LSMEM2: variants seen among roughly 807,000 people sequenced by gnomAD.
The protein encoded by LSMEM2 is leucine rich single-pass membrane protein 2.
LSMEM2 carries 20 observed loss-of-function variants against 17.3 expected under a neutral mutation model. The ratio of observed to expected loss-of-function variants is 1.16; its 90% CI spans 0.81 to 1.68. LSMEM2 has a LOEUF of 1.68. LSMEM2 is among the 40% of genes most tolerant of loss of function. The pLI is 0.00. For synonymous variants in LSMEM2, 94 were observed against 97.8 expected (o/e 0.96, Z 0.23); for missense variants, 207 against 214.3 (o/e 0.97, Z 0.21).
intron 1 of LSMEM2, among the ~76,000 whole-genome samples, chr3:50,280,163 G>A (rs1701359025): frequency 7.3e-6 from 1 of 136,746 alleles, no homozygotes; most frequent in South Asian, 2.4e-4. Context: ...GTGAGCCACC[G>A]CGCCTGGCCT....
In LSMEM2 at chr3:50,287,101, C is replaced by T. The variant is rs1553708672; in HGVS notation, c.394C>T (p.His132Tyr). The change falls in exon 4 of 4, where the codon CAC becomes TAC. Residue 132 changes from histidine (H) to tyrosine (Y), a missense_variant. Coordinates refer to ENST00000316436, the MANE Select transcript of LSMEM2 (RefSeq NM_153215.3). ...GAGTGAATCCCTGCGCATCCTGGCA[C>T]ACACGCTCCGCACGCAGGAGGAGAC... ...LQSESLRILAHTLRTQEETLL... is the reference protein window; with the variant it reads ...LQSESLRILAYTLRTQEETLL... The T allele has an allele frequency of 1.9e-6, 3 of 1,614,186 alleles. No homozygotes were observed. The highest frequency in any genetic ancestry group is 2.7e-5 in the African/African-American group (2 of 75,054).
intron 1 of LSMEM2, among the ~76,000 whole-genome samples, chr3:50,281,119 G>A (rs1426060694): frequency 2.0e-5 from 3 of 150,884 alleles, no homozygotes; most frequent in East Asian, 2.0e-4. Context: ...GCAGTGGCAC[G>A]ATCTTGGCTC....
intron 1 of LSMEM2, 123 bp downstream of exon 1, chr3:50,279,294 G>A: frequency 3.5e-6 from 3 of 863,582 alleles, no homozygotes; most frequent in Non-Finnish European, 5.7e-6. Context: ...CCATTTTCAT[G>A]CTCCAGCTCC....
chr3:50,286,470 G>A lies in LSMEM2; in HGVS notation c.59-1G>A, dbSNP rs1553708447. 1.9e-6 allele frequency: 3 copies of A among 1,598,070 alleles called. No homozygotes were observed. The highest frequency in any genetic ancestry group is 2.6e-6 in the Non-Finnish European group (3 of 1,173,694). On this transcript the variant is annotated splice_acceptor_variant, in intron 1 of 3. Transcript: ENST00000316436. LOFTEE classifies it high-confidence loss of function. ...TAAATCAGCCTGCGCTGCCCCTGCA[G>A]ACTCCGTGGCGCCAATGATGCCCAG... is the stretch of plus-strand genomic sequence containing the variant.
chr3:50,286,197 TAAGC>T (rs1233199010), intron 1 of LSMEM2, among the ~76,000 whole-genome samples: 2 of 152,150 alleles, frequency 1.3e-5, no homozygotes, highest in African/African-American at 2.4e-5. Context: ...CTGCTAGAAA[TAAGC>T]AGGCAGAGGA....
chr3:50,286,563 A>T lies in LSMEM2; in HGVS notation c.151A>T (p.Ile51Phe). 6.2e-7 allele frequency: 1 copy of T among 1,612,420 alleles called. No homozygotes were observed. Among genetic ancestry groups the T allele is most frequent in the Non-Finnish European group, 8.5e-7 (1 of 1,179,342 alleles). Residue 51 changes from isoleucine (I) to phenylalanine (F), a missense_variant, in exon 2 of 4, where the codon ATC becomes TTC. Ile to Phe is a conservative substitution (Grantham distance 21). Coordinates refer to ENST00000316436, the MANE Select transcript of LSMEM2 (RefSeq NM_153215.3). ...GGTATGCCTGCACCAGGTGGAGTCCATCAGCGACCTACATAGTGGAGGTGA... is the reference window on the plus strand; with the variant it reads ...GGTATGCCTGCACCAGGTGGAGTCCTTCAGCGACCTACATAGTGGAGGTGA... ...HEVCLHQVES[I>F]SDLHSGAGTL...
chr3:50,279,233 A>G, intron 1 of LSMEM2, 62 bp downstream of exon 1: 1 of 1,481,898 alleles, frequency 6.7e-7, no homozygotes, highest in East Asian at 2.3e-5. Flanking sequence ...TGGACCATGG[A>G]GAGACCCACC....
intron 1 of LSMEM2, 61 bp downstream of exon 1, chr3:50,279,232 G>A: frequency 6.7e-7 from 1 of 1,491,116 alleles, no homozygotes; most frequent in Non-Finnish European, 9.4e-7. Context: ...GTGGACCATG[G>A]AGAGACCCAC....
chr3:50,285,473 C>T (rs1559798385), intron 1 of LSMEM2, among the ~76,000 whole-genome samples: 1 of 152,008 alleles, frequency 6.6e-6, no homozygotes, highest in African/African-American at 2.4e-5. Context: ...ATCCTCATCT[C>T]TACCAAAAAT....
At position 50,287,338 on chromosome 3, in the gene LSMEM2, T is replaced by A; in HGVS notation, c.*136T>A. ...GGTGAGATTTTTGTACAAGAACCTG[T>A]TGTTAACTTAATGGCTGCCTCCCTC... On this transcript the variant is annotated 3_prime_UTR_variant, in exon 4 of 4. Transcript: ENST00000316436. 8.4e-7 allele frequency: 1 copy of A among 1,195,320 alleles called. No homozygotes were observed. The highest frequency in any genetic ancestry group is 1.2e-6 in the Non-Finnish European group (1 of 845,418). 74.0% of individuals were successfully genotyped at this position (1,195,320 alleles called of 1,614,324 possible).
In LSMEM2 at chr3:50,287,413, C is replaced by G; in HGVS notation, c.*211C>G. On this transcript the variant is annotated 3_prime_UTR_variant, in exon 4 of 4. Transcript: ENST00000316436. The stretch of plus-strand genomic sequence containing the variant: ...AGCCAAGCCTCTGGTGCCAAAGCCT[C>G]GCTTTGGGTGGCCCAAGGTCAGGGG... 1.5e-6 allele frequency: 1 copy of G among 686,888 alleles called. No homozygotes were observed. Among genetic ancestry groups the G allele is most frequent in the Non-Finnish European group, 2.4e-6 (1 of 420,366 alleles). 42.5% of individuals were successfully genotyped at this position (686,888 alleles called of 1,614,324 possible).
At chr3:50,280,913 G>A (rs1374109537) in intron 1 of LSMEM2, among the ~76,000 whole-genome samples, 2 of 151,932 alleles carry the variant, frequency 1.3e-5, no homozygotes, top group Non-Finnish European at 2.9e-5. Flanking sequence ...GCCTTTCAAA[G>A]TGCTGGGATT....
At chr3:50,287,011 G>C in intron 3 of LSMEM2, 58 bp from the exon 4 acceptor site, 1 of 1,606,842 alleles carries the variant, frequency 6.2e-7, no homozygotes, top group Non-Finnish European at 8.5e-7. Flanking sequence ...CCTGGGCTGG[G>C]TCTGCAGGGG....
At chr3:50,286,988 G>A in intron 3 of LSMEM2, 81 bp from the exon 4 acceptor site, 1 of 1,594,762 alleles carries the variant, frequency 6.3e-7, no homozygotes, top group Non-Finnish European at 8.6e-7. Flanking sequence ...GGAGGCCCGT[G>A]GCTGCCCCTG....
chr3:50,284,974 T>C (rs1354848541), intron 1 of LSMEM2, among the ~76,000 whole-genome samples: 1 of 151,546 alleles, frequency 6.6e-6, no homozygotes, highest in African/African-American at 2.4e-5. Context: ...AGGTGGAGGT[T>C]GCAATGAGCC....
chr3:50,280,410 C>G (rs1365885065), intron 1 of LSMEM2, among the ~76,000 whole-genome samples: 1 of 152,146 alleles, frequency 6.6e-6, no homozygotes. Flanking sequence ...CCACCTTGGC[C>G]TCCCAAATTG....
chr3:50,285,554 C>T (rs1259498983), intron 1 of LSMEM2, among the ~76,000 whole-genome samples: 3 of 151,476 alleles, frequency 2.0e-5, no homozygotes, highest in Non-Finnish European at 2.9e-5. Flanking sequence ...GCAGGAGAAT[C>T]GCTTGAACCC....
chr3:50,283,002 T>C (rs185309759), intron 1 of LSMEM2, among the ~76,000 whole-genome samples: 2 of 150,098 alleles, frequency 1.3e-5, no homozygotes, highest in East Asian at 2.0e-4. Context: ...CTGGCCAACA[T>C]GGTGAAACCC....
intron 1 of LSMEM2, among the ~76,000 whole-genome samples, chr3:50,281,836 A>G (rs1701408110): frequency 6.6e-6 from 1 of 150,494 alleles, no homozygotes; most frequent in Non-Finnish European, 1.5e-5. Context: ...ATGCCACCAC[A>G]CCAAACTAAT....
Sources: allele counts gnomAD v4.1 joint callset (sites outside exome capture counted in the v4.1 genomes callset), GRCh38; gene constraint gnomAD v4.1.1; transcripts MANE v1.5; gene names NCBI Gene and HGNC (gene_info 2026-07-23, HGNC 2026-07-21).